The following SAMMSON variants were observed in gnomAD, a reference collection of about 807,000 sequenced individuals.
SAMMSON encodes long intergenic non-protein coding RNA 1212.
intron 4 of SAMMSON, among the ~76,000 whole-genome samples, chr3:70,229,047 C>G (rs1358466610): frequency 6.6e-6 from 1 of 152,206 alleles, no homozygotes; most frequent in Non-Finnish European, 1.5e-5. Flanking sequence ...TTAGCCTCCA[C>G]AGCTAAAGAG....
intron 3 of SAMMSON, among the ~76,000 whole-genome samples, chr3:70,029,059 A>G (rs954320695): frequency 2.6e-5 from 4 of 152,292 alleles, no homozygotes; most frequent in African/African-American, 7.2e-5. Flanking sequence ...CCATTATACC[A>G]TATTGCAGGT....
chr3:70,177,212 A>G (rs548119527), intron 4 of SAMMSON, among the ~76,000 whole-genome samples: 1 of 152,322 alleles, frequency 6.6e-6, no homozygotes, highest in Admixed American at 6.5e-5. Context: ...ATTTTTGTTT[A>G]AGAGATCAGC....
At chr3:70,287,508 T>C (rs1416257145) in intron 6 of SAMMSON, among the ~76,000 whole-genome samples, 3 of 152,032 alleles carry the variant, frequency 2.0e-5, no homozygotes, top group South Asian at 4.2e-4. Flanking sequence ...AGGATATTGG[T>C]CTAAAATTCT....
chr3:70,067,470 A>G (rs1387843116), intron 3 of SAMMSON, among the ~76,000 whole-genome samples: 1 of 152,046 alleles, frequency 6.6e-6, no homozygotes, highest in Non-Finnish European at 1.5e-5. Context: ...TGTCATTTGT[A>G]CCAGAATTCT....
intron 3 of SAMMSON, among the ~76,000 whole-genome samples, chr3:70,043,911 TA>T (rs1209959188): frequency 2.6e-5 from 4 of 152,038 alleles, no homozygotes; most frequent in African/African-American, 7.2e-5. Context: ...GTAGTATTAT[TA>T]AAAAAAATCT....
chr3:70,187,998 G>A (rs1302304051), intron 4 of SAMMSON, among the ~76,000 whole-genome samples: 2 of 152,108 alleles, frequency 1.3e-5, no homozygotes, highest in Non-Finnish European at 1.5e-5. Flanking sequence ...AAGGAGAAGG[G>A]CAGCCACCCC....
intron 3 of SAMMSON, chr3:70,014,110 C>T (rs530486591): frequency 5.9e-5 from 9 of 152,284 alleles, no homozygotes; most frequent in Admixed American, 2.6e-4. Context: ...CCATCTCTGC[C>T]CTCATGGCAA....
At chr3:70,086,549 G>A (rs578101177) in intron 4 of SAMMSON, among the ~76,000 whole-genome samples, 1 of 152,266 alleles carries the variant, frequency 6.6e-6, no homozygotes, top group East Asian at 1.9e-4. Context: ...GCTGAGTTCT[G>A]TCTGGGTTGG....
chr3:70,332,654 G>C (rs955972506), intron 7 of SAMMSON: 2 of 151,980 alleles, frequency 1.3e-5, no homozygotes, highest in African/African-American at 4.8e-5. Flanking sequence ...GGAGTGCAGT[G>C]TGGCACGATC....
At chr3:70,198,361 A>G (rs974502270) in intron 4 of SAMMSON, among the ~76,000 whole-genome samples, 1 of 152,148 alleles carries the variant, frequency 6.6e-6, no homozygotes, top group Admixed American at 6.5e-5. Flanking sequence ...GATTTTGCCT[A>G]CAGTATAAGT....
intron 4 of SAMMSON, among the ~76,000 whole-genome samples, chr3:70,116,706 A>C (rs2067413188): frequency 6.6e-6 from 1 of 152,170 alleles, no homozygotes; most frequent in African/African-American, 2.4e-5. Flanking sequence ...AAGTAGAAAC[A>C]GCATCATGAA....
intron 3 of SAMMSON, among the ~76,000 whole-genome samples, chr3:70,015,725 C>T (rs1190033355): frequency 2.6e-5 from 4 of 151,386 alleles, no homozygotes; most frequent in African/African-American, 9.8e-5. Context: ...TTCCCCACCC[C>T]ACGACAGGCC....
chr3:70,129,651 T>C (rs2067473967), intron 4 of SAMMSON, among the ~76,000 whole-genome samples: 1 of 150,612 alleles, frequency 6.6e-6, no homozygotes, highest in South Asian at 2.1e-4. Flanking sequence ...TTATAGATTA[T>C]AGTCTATAGA....
At chr3:70,333,747 A>G (rs1480279182) in intron 7 of SAMMSON, among the ~76,000 whole-genome samples, 2 of 152,144 alleles carry the variant, frequency 1.3e-5, no homozygotes, top group East Asian at 3.9e-4. Context: ...TGCCTTTATC[A>G]TGTCTTAGTC....
intron 4 of SAMMSON, among the ~76,000 whole-genome samples, chr3:70,187,427 C>CTTTTTTT (rs928465556): frequency 6.8e-5 from 5 of 73,116 alleles, no homozygotes; most frequent in East Asian, 4.1e-4. Context: ...GGGACCAACT[C>CTTTTTTT]TTTTTTTTTT....
intron 4 of SAMMSON, chr3:70,124,991 G>T (rs1481020196): frequency 2.1e-5 from 14 of 658,048 alleles, no homozygotes; most frequent in Non-Finnish European, 3.6e-5. Flanking sequence ...CATAGTCCAG[G>T]TGGTCAATTT....
chr3:70,317,892 C>A (rs1280062571), intron 7 of SAMMSON, among the ~76,000 whole-genome samples: 1 of 151,698 alleles, frequency 6.6e-6, no homozygotes, highest in Non-Finnish European at 1.5e-5. Flanking sequence ...AGTTCACTAT[C>A]ATCTGTGAAG....
intron 7 of SAMMSON, among the ~76,000 whole-genome samples, chr3:70,309,033 C>G (rs1008600295): frequency 3.9e-5 from 6 of 152,110 alleles, no homozygotes; most frequent in Non-Finnish European, 8.8e-5. Context: ...GAGAAAAACA[C>G]TTTTTTGAAC....
chr3:70,337,695 G>T (rs1358337017), intron 7 of SAMMSON, among the ~76,000 whole-genome samples: 1 of 151,734 alleles, frequency 6.6e-6, no homozygotes, highest in Non-Finnish European at 1.5e-5. Flanking sequence ...AATAATAATA[G>T]AGCATTTTAT....
Sources: gnomAD v4.1 joint callset for allele counts (sites outside exome capture counted in the v4.1 genomes callset) on GRCh38, gnomAD v4.1.1 for gene constraint, MANE v1.5 for transcripts, NCBI Gene and HGNC (gene_info 2026-07-23, HGNC 2026-07-21) for gene names.